The following SGCZ variants were observed in gnomAD, a reference collection of about 807,000 sequenced individuals.
SGCZ encodes the protein zeta-sarcoglycan.
SGCZ carries 40 observed loss-of-function variants against 41.3 expected under a neutral mutation model. The ratio of observed to expected loss-of-function variants is 0.97; its 90% confidence interval spans 0.75 to 1.26. SGCZ has a LOEUF of 1.26. Ranked by LOEUF, SGCZ falls within the 50% of genes most tolerant of loss-of-function variation. The pLI is 0.00. For missense variants in SGCZ, 552 were observed against 369.8 expected (o/e 1.49, Z -4.04); for synonymous variants, 206 against 137.5 (o/e 1.50, Z -3.49).
At chr8:14,700,639 A>G (rs1809105579) in intron 1 of SGCZ, among the ~76,000 whole-genome samples, 1 of 152,032 alleles carries the variant, frequency 6.6e-6, no homozygotes, top group South Asian at 2.1e-4. Flanking sequence ...CAACCTTTTA[A>G]TTTAATACTA....
chr8:14,819,505 A>G (rs539186393), intron 1 of SGCZ, among the ~76,000 whole-genome samples: 3 of 152,330 alleles, frequency 2.0e-5, no homozygotes, highest in Admixed American at 2.0e-4. Context: ...AACTGCAAAC[A>G]TGAGAAGGAT....
chr8:15,156,273 G>A (rs914269405), intron 1 of SGCZ, among the ~76,000 whole-genome samples: 1 of 151,994 alleles, frequency 6.6e-6, no homozygotes, highest in Non-Finnish European at 1.5e-5. Flanking sequence ...TTCTGCATAG[G>A]GGCTTTAGAT....
chr8:14,990,396 G>A (rs1801969140), intron 1 of SGCZ, among the ~76,000 whole-genome samples: 1 of 152,090 alleles, frequency 6.6e-6, no homozygotes, highest in Admixed American at 6.5e-5. Flanking sequence ...AAGCAAGCCA[G>A]CCAAGCTGCA....
chr8:14,218,273 C>T (rs1259486511), intron 4 of SGCZ, among the ~76,000 whole-genome samples: 1 of 152,146 alleles, frequency 6.6e-6, no homozygotes, highest in Non-Finnish European at 1.5e-5. Flanking sequence ...AACACTTTTG[C>T]ATTTTCCTGT....
At chr8:14,817,773 G>C (rs778744885) in intron 1 of SGCZ, among the ~76,000 whole-genome samples, 1 of 152,110 alleles carries the variant, frequency 6.6e-6, no homozygotes, top group Non-Finnish European at 1.5e-5. Context: ...TCATTGTTGT[G>C]CACAGCCCAT....
At chr8:14,883,494 G>A (rs578054457) in intron 1 of SGCZ, among the ~76,000 whole-genome samples, 15 of 152,152 alleles carry the variant, frequency 9.9e-5, no homozygotes, top group Non-Finnish European at 1.8e-4. Flanking sequence ...AAAACTAAGA[G>A]TTACTGATCC....
At position 14,525,684 on chromosome 8, in the gene SGCZ, T is replaced by A. The variant is rs188676211; in HGVS notation, c.234+29048A>T. Among the ~76,000 whole-genome samples, 280 of 152,106 alleles carry A rather than the reference T, an allele frequency of 1.8e-3. 3 individuals carry two copies. Among genetic ancestry groups the A allele is most frequent in the Middle Eastern group, 6.8e-3 (2 of 294 alleles). On this transcript the variant is annotated intron_variant, in intron 2 of 7. Transcript: ENST00000382080. ...ACTAAAAAGAAAATTTAAACCAAAT[T>A]AGTGGGCCTTTGCAAAGAAGAAGTA...
chr8:14,387,124 G>A (rs368078920), intron 2 of SGCZ, among the ~76,000 whole-genome samples: 2 of 152,300 alleles, frequency 1.3e-5, no homozygotes, highest in South Asian at 4.1e-4. Context: ...AAATGCAGTT[G>A]TTCAATCATA....
intron 2 of SGCZ, among the ~76,000 whole-genome samples, chr8:14,336,923 C>T (rs1802524153): frequency 6.6e-6 from 1 of 152,160 alleles, no homozygotes; most frequent in Admixed American, 6.5e-5. Flanking sequence ...CCAGTCACCA[C>T]ATCCCACACA....
chr8:14,496,861 T>G (rs1802002718), intron 2 of SGCZ, among the ~76,000 whole-genome samples: 1 of 152,186 alleles, frequency 6.6e-6, no homozygotes, highest in Admixed American at 6.5e-5. Flanking sequence ...TCTTAAAGAG[T>G]ATTATGATAT....
intron 1 of SGCZ, among the ~76,000 whole-genome samples, chr8:14,992,140 G>A (rs1490633406): frequency 1.4e-5 from 2 of 138,944 alleles, no homozygotes; most frequent in Non-Finnish European, 3.1e-5. Context: ...TAATCTTGAT[G>A]TTTACCTCTC....
chr8:14,360,320 C>T (rs1182190178), intron 2 of SGCZ, among the ~76,000 whole-genome samples: 1 of 151,688 alleles, frequency 6.6e-6, no homozygotes, highest in African/African-American at 2.4e-5. Context: ...ATTCAGTTTC[C>T]AAAAATTTGT....
At chr8:14,139,618 A>G (rs1339308222) in intron 5 of SGCZ, among the ~76,000 whole-genome samples, 1 of 152,106 alleles carries the variant, frequency 6.6e-6, no homozygotes, top group Non-Finnish European at 1.5e-5. Flanking sequence ...GGACACATAC[A>G]CCCTCGCAAG....
chr8:14,811,518 C>CTTTTTTT lies in SGCZ; in HGVS notation c.40-256599_40-256593dup, dbSNP rs71209087. Among the ~76,000 whole-genome samples, 147 of 49,746 alleles carry CTTTTTTT rather than the reference C, an allele frequency of 3.0e-3. 43 individuals are homozygous for CTTTTTTT. The highest frequency in any genetic ancestry group is 5.5e-3 in the African/African-American group (71 of 12,912). The allele number at this position is 49,746 out of a possible 152,430, so 32.6% of individuals were successfully genotyped here. A position where few individuals can be genotyped will look rare whatever the true frequency, so the allele number is the denominator to read the frequency against. ...AAACATTCGCTGAAAGACACTGCAT[C>CTTTTTTT]TTTTTTTTTTTTTTTTTTTTTTTTT... On this transcript the variant is annotated intron_variant, in intron 1 of 7. Transcript: ENST00000382080.
chr8:15,233,064 G>C (rs1456253364), intron 1 of SGCZ, among the ~76,000 whole-genome samples: 2 of 151,678 alleles, frequency 1.3e-5, no homozygotes, highest in Non-Finnish European at 2.9e-5. Flanking sequence ...ATTGGAACTA[G>C]ACCTAGAGGG....
At chr8:14,248,965 T>A (rs193112373) in intron 3 of SGCZ, among the ~76,000 whole-genome samples, 21 of 152,310 alleles carry the variant, frequency 1.4e-4, no homozygotes, top group Admixed American at 3.9e-4. Flanking sequence ...AACAATTGGA[T>A]ATAAACTCAA....
intron 5 of SGCZ, among the ~76,000 whole-genome samples, chr8:14,137,382 G>A (rs1459699428): frequency 1.3e-5 from 2 of 152,156 alleles, no homozygotes; most frequent in Non-Finnish European, 2.9e-5. Flanking sequence ...AAACTCCTCC[G>A]AGCTAAAGGA....
intron 1 of SGCZ, among the ~76,000 whole-genome samples, chr8:14,987,169 G>GTTA (rs1352857858): frequency 1.3e-5 from 2 of 151,808 alleles, no homozygotes; most frequent in African/African-American, 2.4e-5. Flanking sequence ...GATTTCTGAA[G>GTTA]TTATCTTTTT....
chr8:15,113,223 C>G (rs957106333), intron 1 of SGCZ, among the ~76,000 whole-genome samples: 9 of 140,926 alleles, frequency 6.4e-5, no homozygotes, highest in African/African-American at 1.4e-4. Flanking sequence ...AAAAAAAAAA[C>G]AAAAAGAAAA....
Sources: allele counts gnomAD v4.1 joint callset (sites outside exome capture counted in the v4.1 genomes callset), GRCh38; gene constraint gnomAD v4.1.1; transcripts MANE v1.5; gene names NCBI Gene and HGNC (gene_info 2026-07-23, HGNC 2026-07-21).